SOX5: variants seen among roughly 807,000 people sequenced by gnomAD.
SOX5 encodes the protein SRY-box transcription factor 5, also known as transcription factor SOX-5.
Under a neutral mutation model 92.0 loss-of-function variants are expected in SOX5, and 9 were observed. That is an observed-to-expected ratio of 0.10 (90% CI 0.06 to 0.17). The LOEUF is 0.17. Ranked by LOEUF, SOX5 falls within the 10% of genes least tolerant of loss-of-function variation. The pLI is 1.00. For missense variants in SOX5, 642 were observed against 944.5 expected (o/e 0.68, Z 4.20); for synonymous variants, 344 against 336.3 (o/e 1.02, Z -0.25).
In SOX5 at chr12:23,786,739, T is replaced by C. The variant is rs992545224; in HGVS notation, c.482-31015A>G. Among the ~76,000 whole-genome samples, 2 of 145,560 alleles carry C rather than the reference T, an allele frequency of 1.4e-5. 1 individual carries two copies. The highest frequency in any genetic ancestry group is 1.3e-4 in the Admixed American group (2 of 14,894). Reference sequence around the variant, plus strand: ...AAGCCAAGTATTATAACATTTACTGTCTCTGAATTTTTATTAATATTTGCC... The same window carrying C: ...AAGCCAAGTATTATAACATTTACTGCCTCTGAATTTTTATTAATATTTGCC... On this transcript the variant is annotated intron_variant, in intron 3 of 14. Transcript: ENST00000451604.
intron 8 of SOX5, among the ~76,000 whole-genome samples, chr12:23,605,233 A>G (rs1404145620): frequency 1.3e-5 from 2 of 152,128 alleles, no homozygotes; most frequent in Non-Finnish European, 2.9e-5. Flanking sequence ...TTATTAAATA[A>G]GCAATAAAAT....
chr12:23,941,222 C>G (rs903894030), intron 1 of SOX5, among the ~76,000 whole-genome samples: 10 of 151,574 alleles, frequency 6.6e-5, no homozygotes, highest in African/African-American at 2.4e-4. Context: ...TAATCCTGCA[C>G]ATACCTGTTA....
intron 8 of SOX5, among the ~76,000 whole-genome samples, chr12:23,623,531 T>C (rs1025033849): frequency 6.6e-6 from 1 of 152,150 alleles, no homozygotes; most frequent in African/African-American, 2.4e-5. Flanking sequence ...ATTCATTTAC[T>C]TGCTCATTTA....
chr12:23,717,231 C>T (rs1020684047), intron 6 of SOX5, among the ~76,000 whole-genome samples: 5 of 152,152 alleles, frequency 3.3e-5, no homozygotes, highest in African/African-American at 1.2e-4. Flanking sequence ...TTGATATCAA[C>T]TTGGGGGTCC....
At chr12:24,138,432 T>C (rs905592109) in intron 4 of SOX5, among the ~76,000 whole-genome samples, 1 of 152,282 alleles carries the variant, frequency 6.6e-6, no homozygotes, top group Non-Finnish European at 1.5e-5. Context: ...ATACCATCTC[T>C]TCACAGACAA....
intron 4 of SOX5, among the ~76,000 whole-genome samples, chr12:23,976,372 C>G (rs11047184): frequency 2.1e-5 from 2 of 97,116 alleles, no homozygotes; most frequent in African/African-American, 8.0e-5. Flanking sequence ...AAACACATTT[C>G]TAAGAGGTGA....
At chr12:23,639,456 A>G (rs1258175924) in intron 8 of SOX5, among the ~76,000 whole-genome samples, 2 of 152,168 alleles carry the variant, frequency 1.3e-5, no homozygotes, top group African/African-American at 4.8e-5. Flanking sequence ...CCCTATTCCT[A>G]TATTTAAATC....
At position 23,740,916 on chromosome 12, in the gene SOX5, A is replaced by G. The variant is rs1326555427; in HGVS notation, c.692T>C (p.Ile231Thr). Residue 231 changes from isoleucine to threonine, a missense_variant, in exon 5 of 15, where the codon ATT (isoleucine) becomes ACT (threonine). Physicochemically the swap from Ile to Thr is moderately conservative, Grantham distance 89. Around this residue, in one of 8 missense-constraint regions of SOX5, gnomAD observed 324 missense variants for 461.6 expected, o/e 0.70. Coordinates refer to ENST00000451604, the MANE Select transcript of SOX5 (RefSeq NM_006940.6). Reference sequence around the variant, plus strand: ...CTCCATTTGCTGACGCTGTTTCTCAATCTGAGAGGCAGCTAGTTTCTTCTG... The same window carrying G: ...CTCCATTTGCTGACGCTGTTTCTCAGTCTGAGAGGCAGCTAGTTTCTTCTG... ...DEQKKLAASQIEKQRQQMELA... is the reference protein window; with the variant it reads ...DEQKKLAASQTEKQRQQMELA... The G allele has an allele frequency of 6.2e-7, 1 of 1,612,952 alleles. No individual in the cohort carries two copies. The highest frequency in any genetic ancestry group is 8.5e-7 in the Non-Finnish European group (1 of 1,179,322).
At chr12:24,409,450 T>A (rs1436640982) in intron 1 of SOX5, among the ~76,000 whole-genome samples, 1 of 152,158 alleles carries the variant, frequency 6.6e-6, no homozygotes, top group East Asian at 1.9e-4. Flanking sequence ...GTATCCCTTT[T>A]TTTTTAGAAA....
chr12:23,972,560 T>C (rs962511369), intron 4 of SOX5, among the ~76,000 whole-genome samples: 1 of 152,140 alleles, frequency 6.6e-6, no homozygotes, highest in African/African-American at 2.4e-5. Context: ...GGTTTTTTTA[T>C]GTTGGCCAGG....
At chr12:23,966,087 A>G (rs1277920217) in intron 4 of SOX5, among the ~76,000 whole-genome samples, 1 of 152,036 alleles carries the variant, frequency 6.6e-6, no homozygotes, top group Non-Finnish European at 1.5e-5. Context: ...TCATAGGAAC[A>G]TATTCAATCA....
At chr12:23,877,570 A>G (rs1200180436) in intron 2 of SOX5, among the ~76,000 whole-genome samples, 1 of 152,122 alleles carries the variant, frequency 6.6e-6, no homozygotes, top group Admixed American at 6.5e-5. Flanking sequence ...AATTTATTTA[A>G]TAAGAGATAT....
intron 4 of SOX5, among the ~76,000 whole-genome samples, chr12:24,003,080 C>T (rs948284240): frequency 1.3e-5 from 2 of 151,940 alleles, no homozygotes; most frequent in Admixed American, 1.3e-4. Flanking sequence ...ACAATGAAGG[C>T]AGAAAAATTT....
chr12:24,118,766 A>T (rs1948327995), intron 4 of SOX5, among the ~76,000 whole-genome samples: 1 of 152,174 alleles, frequency 6.6e-6, no homozygotes, highest in East Asian at 1.9e-4. Flanking sequence ...CAAGAAGAAT[A>T]ACATAACAGG....
chr12:24,202,110 T>C (rs1231980039), intron 4 of SOX5, among the ~76,000 whole-genome samples: 1 of 152,194 alleles, frequency 6.6e-6, no homozygotes, highest in Non-Finnish European at 1.5e-5. Context: ...GCAAATAGAC[T>C]AGCAAAATAT....
rs893853884 is a variant in SOX5, at chr12:24,488,953, G to C, written c.-251+73376C>G. ...TTGTAATAGAAAGTTAAAGACGGAT[G>C]GAATGATGTCCCAGAAAACTATATT... On this transcript the variant is annotated intron_variant, in intron 1 of 4. Transcript: ENST00000446891. 3.3e-5 allele frequency among the ~76,000 whole-genome samples: 5 copies of C among 152,300 alleles called. No homozygotes were observed. The South Asian group carries it at 1.0e-3, about 32-fold the overall frequency.
At chr12:24,531,272 T>C (rs935435779) in intron 1 of SOX5, among the ~76,000 whole-genome samples, 2 of 152,206 alleles carry the variant, frequency 1.3e-5, no homozygotes, top group Non-Finnish European at 2.9e-5. Context: ...TGGATTATTA[T>C]CTGAAAACTT....
At chr12:23,648,264 G>T (rs1185250184) in intron 7 of SOX5, among the ~76,000 whole-genome samples, 3 of 152,178 alleles carry the variant, frequency 2.0e-5, no homozygotes, top group Non-Finnish European at 2.9e-5. Context: ...ATGCAGAATT[G>T]CTATAAACCT....
chr12:23,724,065 T>A (rs1211492707), intron 6 of SOX5, among the ~76,000 whole-genome samples: 1 of 152,186 alleles, frequency 6.6e-6, no homozygotes, highest in African/African-American at 2.4e-5. Context: ...TATCTTGTTT[T>A]ACTGCAGAAA....
Sources: gnomAD v4.1 joint callset for allele counts (sites outside exome capture counted in the v4.1 genomes callset) on GRCh38, gnomAD v4.1.1 for gene constraint, gnomAD v4.1.1 regional missense constraint, MANE v1.5 for transcripts, NCBI Gene and HGNC (gene_info 2026-07-23, HGNC 2026-07-21) for gene names.